Variants in SNX14 observed in about 807,000 individuals in gnomAD.
SNX14 encodes sorting nexin 14, also known as sorting nexin-14.
A neutral mutation model predicts 133.8 loss-of-function variants in SNX14; 93 were observed. That is an observed-to-expected ratio of 0.70 (90% CI 0.59 to 0.83). The LOEUF is 0.83. Ranked by LOEUF, SNX14 falls within the 40% of genes least tolerant of loss-of-function variation. The pLI, the probability that SNX14 is intolerant of heterozygous loss-of-function variation, is 0.00. For synonymous variants in SNX14, 368 were observed against 365.6 expected, an observed-to-expected ratio of 1.01 and a Z score of -0.07; for missense variants, 945 against 1,094.9, an observed-to-expected ratio of 0.86 and a Z score of 1.93.
intron 1 of SNX14, among the ~76,000 whole-genome samples, chr6:85,583,890 A>G (rs926668843): frequency 6.6e-6 from 1 of 152,222 alleles, no homozygotes; most frequent in African/African-American, 2.4e-5. Context: ...AGAATTAGAA[A>G]AAAAAATACT....
intron 21 of SNX14, among the ~76,000 whole-genome samples, chr6:85,525,362 T>C (rs1215755926): frequency 2.0e-5 from 3 of 152,154 alleles, no homozygotes; most frequent in East Asian, 3.8e-4. Context: ...TAAAGTTACT[T>C]TGAAATTAAA....
At chr6:85,577,629 T>C (rs1797741872) in intron 1 of SNX14, among the ~76,000 whole-genome samples, 1 of 151,934 alleles carries the variant, frequency 6.6e-6, no homozygotes, top group African/African-American at 2.4e-5. Flanking sequence ...TAGGAATAAA[T>C]GACATGACCC....
In SNX14 at chr6:85,515,818, G is replaced by A. The variant is rs529710655; in HGVS notation, c.2269-1189C>T. Among the ~76,000 whole-genome samples the A allele has an allele frequency of 2.6e-5, 4 of 151,750 alleles. No homozygotes were observed. The South Asian group carries it at 6.3e-4, about 24-fold the overall frequency. On this transcript the variant is annotated intron_variant, in intron 23 of 28. Transcript: ENST00000314673. ...TATTATATAGTAAGTCTGGAAAACG[G>A]GAAAAACAACTCAATTTTGTTTTCC...
At chr6:85,522,284 G>T (rs2127920545) in intron 21 of SNX14, among the ~76,000 whole-genome samples, 1 of 152,272 alleles carries the variant, frequency 6.6e-6, no homozygotes, top group South Asian at 2.1e-4. Context: ...TGGGTCTACT[G>T]ATTTGGTGTT....
chr6:85,552,714 T>G (rs1000248894), intron 7 of SNX14, among the ~76,000 whole-genome samples: 1 of 152,190 alleles, frequency 6.6e-6, no homozygotes, highest in Non-Finnish European at 1.5e-5. Flanking sequence ...CCCCATTAGA[T>G]AGAAAATGCC....
intron 7 of SNX14, among the ~76,000 whole-genome samples, chr6:85,552,030 ATCT>A (rs1787979758): frequency 7.1e-6 from 1 of 141,540 alleles, no homozygotes; most frequent in African/African-American, 2.7e-5. Context: ...TGTGTTGGGA[ATCT>A]TTTTTTTTTT....
chr6:85,545,948 G>A (rs920256702), intron 12 of SNX14, among the ~76,000 whole-genome samples: 3 of 152,222 alleles, frequency 2.0e-5, no homozygotes, highest in African/African-American at 7.2e-5. Context: ...CTCCCGAAGT[G>A]CTGGGATTGT....
intron 18 of SNX14, among the ~76,000 whole-genome samples, chr6:85,532,139 CT>C (rs1780508248): frequency 6.6e-6 from 1 of 152,026 alleles, no homozygotes; most frequent in Admixed American, 6.6e-5. Flanking sequence ...AATGATTAAC[CT>C]TTTAAGATAA....
rs1445959803 is a variant in SNX14 at position 85,536,936 on chromosome 6, A to C, written c.1476-12T>G. 2 of 1,609,936 alleles carry C rather than the reference A, an allele frequency of 1.2e-6. No individual in the cohort carries two copies. Among genetic ancestry groups the C allele is most frequent in the Non-Finnish European group, 1.7e-6 (2 of 1,178,430 alleles). On this transcript the variant is annotated splice_polypyrimidine_tract_variant and intron_variant, in intron 16 of 28. Transcript: ENST00000314673. ...TTTTCTGTGTGTTCCTGAATATTAA[A>C]CAAAAATGTATCAAGTACATAGCAA...
At chr6:85,523,102 G>C (rs999379948) in intron 21 of SNX14, among the ~76,000 whole-genome samples, 1 of 152,144 alleles carries the variant, frequency 6.6e-6, no homozygotes, top group Non-Finnish European at 1.5e-5. Context: ...AAAGAATATA[G>C]GGGATTCAAT....
intron 23 of SNX14, 110 bp from the exon 24 acceptor site, chr6:85,514,739 C>A: frequency 1.8e-6 from 2 of 1,094,646 alleles, no homozygotes; most frequent in Admixed American, 2.3e-5. Flanking sequence ...TTTTTCCAAT[C>A]AAAACAGAAT....
intron 17 of SNX14, among the ~76,000 whole-genome samples, chr6:85,534,766 A>G (rs1004838631): frequency 3.3e-5 from 5 of 152,080 alleles, no homozygotes; most frequent in Admixed American, 2.6e-4. Context: ...TTTTGTTATA[A>G]TATCGAATAG....
chr6:85,514,718 G>T, intron 23 of SNX14, 89 bp from the exon 24 acceptor site: 1 of 1,342,702 alleles, frequency 7.4e-7, no homozygotes, highest in Non-Finnish European at 1.0e-6. Flanking sequence ...ACACAGCAAA[G>T]GCATTTAAAC....
chr6:85,571,019 A>AT (rs1795365335), intron 4 of SNX14, among the ~76,000 whole-genome samples: 1 of 152,136 alleles, frequency 6.6e-6, no homozygotes, highest in East Asian at 1.9e-4. Flanking sequence ...GAGCTACCAT[A>AT]TTAGACAGAA....
At chr6:85,547,632 TGTAA>T in intron 9 of SNX14, 82 bp from the exon 10 acceptor site, 1 of 1,192,268 alleles carries the variant, frequency 8.4e-7, no homozygotes, top group African/African-American at 1.5e-5. Flanking sequence ...TATCATATTA[TGTAA>T]GTTTCTAGAA....
In SNX14 at chr6:85,514,596, G is replaced by A. The variant is rs377525323; in HGVS notation, c.2302C>T (p.Arg768Cys). The A allele has an allele frequency of 2.4e-5, 38 of 1,611,872 alleles. 1 individual carries two copies. The highest frequency in any genetic ancestry group is 3.1e-5 in the Non-Finnish European group (36 of 1,178,956). The change falls in exon 24 of 29, where the codon CGT becomes TGT. Residue 768 changes from arginine (R) to cysteine (C), a missense_variant. Arg to Cys is a radical substitution (Grantham distance 180). Coordinates refer to ENST00000314673, the MANE Select transcript of SNX14 (RefSeq NM_153816.6). Reference protein sequence around the residue: ...FNDLFKNNANRAENTERKQNQ... With the variant: ...FNDLFKNNANCAENTERKQNQ... The stretch of plus-strand genomic sequence containing the variant: ...TGCTTTCTCTCTGTATTTTCAGCAC[G>A]GTTTGCATTATTTTTAAACAGATCA...
At chr6:85,541,935 T>C in intron 15 of SNX14, 50 bp downstream of exon 15, 1 of 1,359,026 alleles carries the variant, frequency 7.4e-7, no homozygotes, top group South Asian at 1.3e-5. Flanking sequence ...AATGATGCTA[T>C]CATAGAATGA....
intron 1 of SNX14, among the ~76,000 whole-genome samples, chr6:85,580,832 T>C (rs992083650): frequency 5.3e-5 from 8 of 152,060 alleles, no homozygotes; most frequent in Non-Finnish European, 7.4e-5. Context: ...TCAGCCACAG[T>C]AGAATAAAAC....
intron 4 of SNX14, among the ~76,000 whole-genome samples, chr6:85,570,995 C>A (rs1216115273): frequency 6.6e-6 from 1 of 152,120 alleles, no homozygotes; most frequent in African/African-American, 2.4e-5. Context: ...TTATTAATAG[C>A]CACATGTGGC....
Sources: gnomAD v4.1 joint callset for allele counts (sites outside exome capture counted in the v4.1 genomes callset) on GRCh38, gnomAD v4.1.1 for gene constraint, MANE v1.5 for transcripts, NCBI Gene and HGNC (gene_info 2026-07-23, HGNC 2026-07-21) for gene names.